Variants in SRGAP2 observed in about 807,000 individuals in gnomAD.
SRGAP2 encodes the protein SLIT-ROBO Rho GTPase-activating protein 2.
Under a neutral mutation model 57.2 loss-of-function variants are expected in SRGAP2, and 15 were observed. The observed-to-expected ratio is 0.26, with a 90% CI of 0.18 to 0.40. The LOEUF (loss-of-function observed/expected upper bound fraction) is 0.40, where lower values mean the gene tolerates loss of function less well. Ranked by LOEUF, SRGAP2 falls within the 10% of genes least tolerant of loss-of-function variation. The pLI is 1.00. For synonymous variants in SRGAP2, 249 were observed against 248.0 expected (o/e 1.00, Z -0.04); for missense variants, 520 against 669.6 (o/e 0.78, Z 2.47).
Position 206,209,690 on chromosome 1 carries a change from C to T in SRGAP2, c.67+3653C>T, listed in dbSNP as rs1382081265. On this transcript the variant is annotated intron_variant, in intron 2 of 22. Transcript: ENST00000573034. ...CATTATGCTTTCATATGTAGTTGTC[C>T]GTCAGTATCCTCAGGGGATTGGTTC... 6.6e-5 allele frequency among the ~76,000 whole-genome samples: 10 copies of T among 151,106 alleles called. No individual in the cohort carries two copies. In the East Asian group the frequency reaches 1.6e-3, roughly 24 times the overall value.
intron 13 of SRGAP2, among the ~76,000 whole-genome samples, chr1:206,429,802 G>A (rs940824755): frequency 4.6e-5 from 7 of 152,320 alleles, no homozygotes; most frequent in Non-Finnish European, 8.8e-5. Flanking sequence ...AGGTATTGGT[G>A]GATTGAACTA....
In SRGAP2 at chr1:206,454,236, G is replaced by A; in HGVS notation, c.2361-642G>A. Reference sequence around the variant, plus strand: ...CTCTGTTGATAGCATCGCAAACCTGGTGGCAATCTGTGCGTGGACAGGACC... The same window carrying A: ...CTCTGTTGATAGCATCGCAAACCTGATGGCAATCTGTGCGTGGACAGGACC... On this transcript the variant is annotated intron_variant, in intron 20 of 22. Coordinates refer to ENST00000573034, the MANE Select transcript of SRGAP2 (RefSeq NM_015326.5). This position sits in a 1 kb window ranked among gnomAD's most constrained non-coding sequence, Gnocchi z 4.3. 1 of 702,010 alleles carries A rather than the reference G, an allele frequency of 1.4e-6. No individual in the cohort carries two copies. The highest frequency in any genetic ancestry group is 2.7e-5 in the East Asian group (1 of 37,282). The allele number at this position is 702,010 out of a possible 1,614,324, so 43.5% of individuals were successfully genotyped here. A position where few individuals can be genotyped will look rare whatever the true frequency, so the allele number is the denominator to read the frequency against.
chr1:206,394,432 A>G (rs1189241185), intron 7 of SRGAP2, among the ~76,000 whole-genome samples: 5 of 152,170 alleles, frequency 3.3e-5, no homozygotes, highest in Non-Finnish European at 5.9e-5. Context: ...AAGAGTTACA[A>G]TGCCATCCCT....
At chr1:206,225,459 T>C (rs1462126707) in intron 2 of SRGAP2, among the ~76,000 whole-genome samples, 1 of 150,806 alleles carries the variant, frequency 6.6e-6, no homozygotes, top group Non-Finnish European at 1.5e-5. Flanking sequence ...ATGGCAGAAA[T>C]AGACATATGG....
At chr1:206,262,615 T>C (rs1669629390) in intron 2 of SRGAP2, among the ~76,000 whole-genome samples, 1 of 146,806 alleles carries the variant, frequency 6.8e-6, no homozygotes, top group Non-Finnish European at 1.5e-5. Context: ...GACTGACTGG[T>C]GGAGATTAAA....
intron 3 of SRGAP2, among the ~76,000 whole-genome samples, chr1:206,308,764 C>T (rs1450721384): frequency 2.0e-5 from 3 of 152,034 alleles, no homozygotes; most frequent in Non-Finnish European, 4.4e-5. Context: ...CAATAGCTTC[C>T]TGCCTGATCG....
intron 7 of SRGAP2, among the ~76,000 whole-genome samples, chr1:206,395,933 A>G (rs1394396620): frequency 1.3e-5 from 2 of 149,514 alleles, no homozygotes; most frequent in African/African-American, 2.5e-5. Flanking sequence ...GTGTGGGTCT[A>G]GATCACTGGG....
chr1:206,460,742 T>C (rs1347907106), intron 22 of SRGAP2, among the ~76,000 whole-genome samples: 1 of 152,134 alleles, frequency 6.6e-6, no homozygotes, highest in Non-Finnish European at 1.5e-5. Context: ...CCCCACTAGA[T>C]TATATGTCAC....
At chr1:206,372,977 CTTTCTTTCTTTCTTTCTTT>C (rs1654784440) in intron 4 of SRGAP2, among the ~76,000 whole-genome samples, 17 of 40,358 alleles carry the variant, frequency 4.2e-4, no homozygotes, top group African/African-American at 1.8e-3. Flanking sequence ...TTCTTTCTTT[CTTTCTTTCTTTCTTTCTTT>C]CTTTCTTTCT....
In SRGAP2 at chr1:206,453,186, TC is replaced by T; in HGVS notation, c.2180-12del. The T allele has an allele frequency of 2.0e-6, 1 of 489,752 alleles. No individual in the cohort carries two copies. The highest frequency in any genetic ancestry group is 3.5e-5 in the South Asian group (1 of 28,710). The allele number at this position is 489,752 out of a possible 1,614,324, so 30.3% of individuals were successfully genotyped here. On this transcript the variant is annotated splice_polypyrimidine_tract_variant and intron_variant, in intron 19 of 22. Transcript: ENST00000573034. ...CCCAAGAACATGTGTTTACTTCTTTTCCACCCTTCTCAGAATGTGAGCCCAT... is the reference window on the plus strand; with the variant it reads ...CCCAAGAACATGTGTTTACTTCTTTTCACCCTTCTCAGAATGTGAGCCCAT...
chr1:206,437,047 G>A lies in SRGAP2; in HGVS notation c.1633+5G>A, dbSNP rs1553370284. The A allele has an allele frequency of 1.0e-5, 8 of 780,694 alleles. No individual in the cohort carries two copies. The South Asian group carries it at 1.1e-4, about 10-fold the overall frequency. 48.4% of individuals were successfully genotyped at this position (780,694 alleles called of 1,614,324 possible). A position where few individuals can be genotyped will look rare whatever the true frequency, so the allele number is the denominator to read the frequency against. On this transcript the variant is annotated splice_donor_5th_base_variant and intron_variant, in intron 15 of 22. Transcript: ENST00000573034. Reference sequence around the variant, plus strand: ...TCAAAAATGCCTTTGAGAGAGGTAAGGAAACAGTCTTGAAGATAAAACCAA... The same window carrying A: ...TCAAAAATGCCTTTGAGAGAGGTAAAGAAACAGTCTTGAAGATAAAACCAA...
At chr1:206,283,222 AT>A (rs1670830023) in intron 2 of SRGAP2, among the ~76,000 whole-genome samples, 1 of 151,644 alleles carries the variant, frequency 6.6e-6, no homozygotes, top group Non-Finnish European at 1.5e-5. Context: ...TTTTTCCCCG[AT>A]AATGGGCTTT....
At chr1:206,243,362 C>T (rs1195790690) in intron 2 of SRGAP2, among the ~76,000 whole-genome samples, 4 of 149,200 alleles carry the variant, frequency 2.7e-5, no homozygotes, top group Non-Finnish European at 5.9e-5. Flanking sequence ...GGAGAATGTA[C>T]AAGACCCGGG....
intron 3 of SRGAP2, among the ~76,000 whole-genome samples, chr1:206,310,222 G>T (rs1488154007): frequency 6.6e-6 from 1 of 151,420 alleles, no homozygotes; most frequent in African/African-American, 2.5e-5. Flanking sequence ...TGGTAGAAGA[G>T]GAGATAGAAC....
chr1:206,283,573 C>T (rs1670855112), intron 2 of SRGAP2, among the ~76,000 whole-genome samples: 1 of 149,670 alleles, frequency 6.7e-6, no homozygotes, highest in African/African-American at 2.5e-5. Flanking sequence ...ACTCGGGAGG[C>T]TGAGGCTCAC....
intron 2 of SRGAP2, among the ~76,000 whole-genome samples, chr1:206,292,606 G>A (rs1420919654): frequency 1.3e-5 from 2 of 148,408 alleles, no homozygotes; most frequent in East Asian, 3.9e-4. Context: ...ATACTCCATA[G>A]TTATTGACAC....
At chr1:206,306,954 G>C (rs1160973935) in intron 3 of SRGAP2, among the ~76,000 whole-genome samples, 4 of 151,444 alleles carry the variant, frequency 2.6e-5, no homozygotes, top group Non-Finnish European at 5.9e-5. Context: ...GTGTCGATTG[G>C]TGCACTCACA....
chr1:206,366,595 C>T (rs1328588152), intron 4 of SRGAP2, among the ~76,000 whole-genome samples: 1 of 152,110 alleles, frequency 6.6e-6, no homozygotes, highest in Non-Finnish European at 1.5e-5. Context: ...GCGATAACTA[C>T]AGCAAGCAAT....
rs782566926 is a variant in SRGAP2, at chr1:206,461,324, G to T, written c.3120G>T (p.Arg1040=). The part of the protein sequence containing the change: ...MAAPVKPPAT[R]PKPTVFPKTN... ...CCCCGGTCAAACCACCAGCCACACGGCCCAAGCCCACTGTCTTCCCCAAAA... is the reference window on the plus strand; with the variant it reads ...CCCCGGTCAAACCACCAGCCACACGTCCCAAGCCCACTGTCTTCCCCAAAA... The change falls in exon 23 of 23, where the codon CGG becomes CGT. Residue 1040 remains arginine (R), a synonymous_variant. Transcript: ENST00000573034. The T allele has an allele frequency of 9.0e-6, 7 of 780,822 alleles. No homozygotes were observed. Among genetic ancestry groups the T allele is most frequent in the Non-Finnish European group, 1.7e-5 (7 of 418,012 alleles). 48.4% of individuals were successfully genotyped at this position (780,822 alleles called of 1,614,324 possible). A position where few individuals can be genotyped will look rare whatever the true frequency, so the allele number is the denominator to read the frequency against.
Sources: allele counts gnomAD v4.1 joint callset (sites outside exome capture counted in the v4.1 genomes callset), GRCh38; gene constraint gnomAD v4.1.1; non-coding constraint Gnocchi (gnomAD v3.1); transcripts MANE v1.5; gene names NCBI Gene and HGNC (gene_info 2026-07-23, HGNC 2026-07-21).